KANK1: variants seen among roughly 807,000 people sequenced by gnomAD.
KANK1 encodes KN motif and ankyrin repeat domains 1, also known as KN motif and ankyrin repeat domain-containing protein 1.
A neutral mutation model predicts 106.2 loss-of-function variants in KANK1; 109 were observed. The observed-to-expected ratio is 1.03, with a 90% CI of 0.88 to 1.20. The LOEUF is 1.20. Among genes scored for constraint, KANK1 ranks in the 50% most tolerant of loss-of-function variants. The pLI, the probability that KANK1 is intolerant of heterozygous loss-of-function variation, is 0.00. For missense variants in KANK1, 2,399 were observed against 1,710.7 expected (o/e 1.40, Z -7.10); for synonymous variants, 873 against 652.2 (o/e 1.34, Z -5.16).
At chr9:623,184 A>T (rs997430249) in intron 1 of KANK1, among the ~76,000 whole-genome samples, 1 of 152,152 alleles carries the variant, frequency 6.6e-6, no homozygotes, top group African/African-American at 2.4e-5. Flanking sequence ...TGTCCATAAT[A>T]TACGAGAAAC....
At chr9:570,039 T>G (rs1818781016) in intron 1 of KANK1, among the ~76,000 whole-genome samples, 1 of 152,218 alleles carries the variant, frequency 6.6e-6, no homozygotes, top group Non-Finnish European at 1.5e-5. Context: ...AAACAATTAT[T>G]TAGGAGAATA....
At chr9:667,881 A>G (rs1045541160) in intron 1 of KANK1, among the ~76,000 whole-genome samples, 5 of 151,488 alleles carry the variant, frequency 3.3e-5, no homozygotes, top group African/African-American at 1.2e-4. Context: ...ACAGGTGTAC[A>G]CCACCACACC....
chr9:603,166 T>A (rs1455530527), intron 1 of KANK1, among the ~76,000 whole-genome samples: 1 of 151,886 alleles, frequency 6.6e-6, no homozygotes, highest in Admixed American at 6.5e-5. Flanking sequence ...GTTTTTCCTC[T>A]GGACCGTGGC....
At chr9:535,060 C>G (rs1382691475) in intron 1 of KANK1, among the ~76,000 whole-genome samples, 2 of 152,182 alleles carry the variant, frequency 1.3e-5, no homozygotes, top group African/African-American at 4.8e-5. Flanking sequence ...CACTTCCTGT[C>G]CAAGTTGGCA....
chr9:560,991 A>C (rs1201171463), intron 1 of KANK1, among the ~76,000 whole-genome samples: 2 of 152,174 alleles, frequency 1.3e-5, no homozygotes, highest in Non-Finnish European at 2.9e-5. Flanking sequence ...ATGGCACAGT[A>C]CTCAGAATTA....
chr9:497,331 C>G (rs961236676), intron 3 of KANK1, among the ~76,000 whole-genome samples: 2 of 152,180 alleles, frequency 1.3e-5, no homozygotes, highest in African/African-American at 4.8e-5. Flanking sequence ...TGGAAAGGAT[C>G]TGCAGGTAGC....
intron 1 of KANK1, 25 bp downstream of exon 1, chr9:504,779 C>CGCGCCCCGTGCCGGGCT: frequency 7.1e-6 from 1 of 140,920 alleles, no homozygotes; most frequent in African/African-American, 2.7e-5. Flanking sequence ...GGGGCCGTGC[C>CGCGCCCCGTGCCGGGCT]GCGCCCCGTG....
intron 1 of KANK1, among the ~76,000 whole-genome samples, chr9:668,160 A>T (rs746251005): frequency 6.6e-6 from 1 of 152,196 alleles, no homozygotes; most frequent in Non-Finnish European, 1.5e-5. Flanking sequence ...ATTCTGGGGA[A>T]TGTTCCATGT....
chr9:599,246 G>C (rs765335428), intron 1 of KANK1, among the ~76,000 whole-genome samples: 16 of 151,394 alleles, frequency 1.1e-4, no homozygotes, highest in Non-Finnish European at 2.1e-4. Context: ...TTGAACTCCT[G>C]ACCTCAGGTG....
At chr9:613,123 G>A (rs190203542) in intron 1 of KANK1, among the ~76,000 whole-genome samples, 13 of 152,140 alleles carry the variant, frequency 8.5e-5, no homozygotes, top group Admixed American at 5.9e-4. Flanking sequence ...AAAAGATCTT[G>A]TAAGTAGACC....
intron 1 of KANK1, among the ~76,000 whole-genome samples, chr9:571,006 T>C (rs1385175511): frequency 6.6e-6 from 1 of 152,212 alleles, no homozygotes; most frequent in Non-Finnish European, 1.5e-5. Flanking sequence ...TACAAACATA[T>C]ATATTTTTAA....
In KANK1 at chr9:665,010, A is replaced by C. The variant is rs553396444; in HGVS notation, c.-83-11880A>C. ...CAGGCCTTTTGCCCTTTTTAAAATC[A>C]GATTAATGACTTTTTGCTATTGAGT... On this transcript the variant is annotated intron_variant, in intron 1 of 11. Coordinates refer to ENST00000382297, the MANE Select transcript of KANK1 (RefSeq NM_015158.5). 3.3e-5 allele frequency among the ~76,000 whole-genome samples: 5 copies of C among 152,268 alleles called. No individual in the cohort carries two copies. The South Asian group carries it at 1.0e-3, about 32-fold the overall frequency.
chr9:535,455 C>G (rs889059219), intron 1 of KANK1, among the ~76,000 whole-genome samples: 2 of 152,228 alleles, frequency 1.3e-5, no homozygotes, highest in Non-Finnish European at 2.9e-5. Flanking sequence ...CTACTCTGTA[C>G]TGGGCACTGT....
intron 8 of KANK1, 99 bp from the exon 9 acceptor site, chr9:740,693 A>C: frequency 7.7e-7 from 1 of 1,298,160 alleles, no homozygotes; most frequent in Non-Finnish European, 1.1e-6. Context: ...GTACCATTTC[A>C]CTGGGCTCCT....
intron 1 of KANK1, among the ~76,000 whole-genome samples, chr9:670,990 G>A (rs1845778647): frequency 7.7e-6 from 1 of 129,738 alleles, no homozygotes; most frequent in South Asian, 2.8e-4. Context: ...CTTCTCAGTG[G>A]CCCCAGGAAC....
At chr9:630,629 C>T (rs1835469000) in intron 1 of KANK1, among the ~76,000 whole-genome samples, 1 of 152,050 alleles carries the variant, frequency 6.6e-6, no homozygotes, top group South Asian at 2.1e-4. Context: ...GGGCTGGGCG[C>T]GGTGGCTCAT....
At chr9:741,791 C>CT (rs921214563) in intron 9 of KANK1, among the ~76,000 whole-genome samples, 73 of 151,708 alleles carry the variant, frequency 4.8e-4, no homozygotes, top group African/African-American at 1.6e-3. Context: ...CAGCCCCTGG[C>CT]TTTTTTTTAA....
chr9:652,525 A>G (rs1037309831), intron 1 of KANK1, among the ~76,000 whole-genome samples: 4 of 152,178 alleles, frequency 2.6e-5, no homozygotes, highest in Non-Finnish European at 5.9e-5. Flanking sequence ...CTGTGTCTCA[A>G]AAGTAAAATA....
At chr9:485,896 AAG>A (rs1026850799) in intron 3 of KANK1, among the ~76,000 whole-genome samples, 17 of 146,800 alleles carry the variant, frequency 1.2e-4, no homozygotes, top group Admixed American at 7.3e-4. Flanking sequence ...AGAAAAGAAA[AAG>A]AGAGAGAGAG....
Sources: gnomAD v4.1 joint callset for allele counts (sites outside exome capture counted in the v4.1 genomes callset) on GRCh38, gnomAD v4.1.1 for gene constraint, MANE v1.5 for transcripts, NCBI Gene and HGNC (gene_info 2026-07-23, HGNC 2026-07-21) for gene names.